Variants in BRD10 observed in about 807,000 individuals in gnomAD.
BRD10 encodes bromodomain containing 10.
the BRD10 span, among the ~76,000 whole-genome samples, chr9:5,932,264 A>T: frequency 6.6e-6 from 1 of 152,170 alleles, no homozygotes; most frequent in Admixed American, 6.5e-5. Flanking sequence ...GACAAGGGAA[A>T]AACAAAGAAC....
chr9:5,985,327 G>T, the BRD10 span, among the ~76,000 whole-genome samples: 1 of 151,908 alleles, frequency 6.6e-6, no homozygotes, highest in East Asian at 1.9e-4. Flanking sequence ...CATAACCTTG[G>T]GTACGCTAAG....
At chr9:5,977,126 G>T in the BRD10 span, among the ~76,000 whole-genome samples, 1 of 152,212 alleles carries the variant, frequency 6.6e-6, no homozygotes, top group Admixed American at 6.5e-5. Context: ...AACACAGTTT[G>T]CCTGGTAGGC....
chr9:5,992,532 C>G, the BRD10 span, among the ~76,000 whole-genome samples: 1 of 151,880 alleles, frequency 6.6e-6, no homozygotes, highest in African/African-American at 2.4e-5. Context: ...TCTCCCATTG[C>G]AAAAAAACAC....
At chr9:5,963,430 T>G in the BRD10 span, among the ~76,000 whole-genome samples, 1 of 140,478 alleles carries the variant, frequency 7.1e-6, no homozygotes, top group African/African-American at 2.7e-5. Context: ...GGAAGAACAT[T>G]TCATGCTCAT....
the BRD10 span, chr9:6,008,014 G>A: frequency 6.5e-6 from 8 of 1,229,552 alleles, no homozygotes; most frequent in Non-Finnish European, 8.1e-6. Flanking sequence ...GAAGAGGAGA[G>A]CCTAGGTGCC....
At chr9:5,992,136 T>C in the BRD10 span, among the ~76,000 whole-genome samples, 1 of 152,240 alleles carries the variant, frequency 6.6e-6, no homozygotes, top group East Asian at 1.9e-4. Context: ...TTCTTTTTCA[T>C]GTCACTTATC....
chr9:5,989,235 T>TAAAA, the BRD10 span, among the ~76,000 whole-genome samples: 2 of 46,164 alleles, frequency 4.3e-5, no homozygotes, highest in Non-Finnish European at 3.8e-5. Flanking sequence ...TCTGTCTCAT[T>TAAAA]AAAAAAAAAA....
At chr9:6,006,731 G>A in the BRD10 span, among the ~76,000 whole-genome samples, 13 of 152,074 alleles carry the variant, frequency 8.5e-5, no homozygotes, top group Admixed American at 8.5e-4. Flanking sequence ...GACCGACATG[G>A]GTAGTAAATG....
chr9:5,942,204 T>C, the BRD10 span, among the ~76,000 whole-genome samples: 1 of 152,046 alleles, frequency 6.6e-6, no homozygotes, highest in Non-Finnish European at 1.5e-5. Context: ...GCTTCCTATA[T>C]ATAACAATAT....
the BRD10 span, among the ~76,000 whole-genome samples, chr9:5,896,083 T>C: frequency 6.6e-6 from 1 of 152,222 alleles, no homozygotes; most frequent in African/African-American, 2.4e-5. Flanking sequence ...GAGACCTGGA[T>C]CTGGCCCAAA....
the BRD10 span, among the ~76,000 whole-genome samples, chr9:5,974,812 C>G: frequency 6.6e-6 from 1 of 152,158 alleles, no homozygotes; most frequent in Admixed American, 6.5e-5. Context: ...TGCTAGAAAA[C>G]TAGACTCATA....
the BRD10 span, among the ~76,000 whole-genome samples, chr9:5,973,238 A>C: frequency 6.6e-6 from 1 of 152,138 alleles, no homozygotes; most frequent in East Asian, 1.9e-4. Flanking sequence ...AGGCCAAGGC[A>C]GGCAGATCAT....
At chr9:5,919,542 A>AG in the BRD10 span, 1 of 696,870 alleles carries the variant, frequency 1.4e-6, no homozygotes, top group South Asian at 2.3e-5. Flanking sequence ...AGATACATTA[A>AG]AACACACACA....
chr9:5,975,705 A>T, the BRD10 span, among the ~76,000 whole-genome samples: 1 of 152,190 alleles, frequency 6.6e-6, no homozygotes, highest in African/African-American at 2.4e-5. Flanking sequence ...AATATACAGA[A>T]AACATACTTC....
chr9:5,920,461 T>A, the BRD10 span: 1 of 1,614,024 alleles, frequency 6.2e-7, no homozygotes, highest in Admixed American at 1.7e-5. Context: ...TAGTGCCACC[T>A]GGAGCAGAAC....
the BRD10 span, among the ~76,000 whole-genome samples, chr9:5,946,842 T>A: frequency 6.6e-6 from 1 of 152,136 alleles, no homozygotes; most frequent in Non-Finnish European, 1.5e-5. Context: ...TGAAAACATA[T>A]ACTCCTACAA....
the BRD10 span, among the ~76,000 whole-genome samples, chr9:5,895,703 A>G: frequency 1.3e-5 from 2 of 152,220 alleles, no homozygotes; most frequent in African/African-American, 4.8e-5. Flanking sequence ...TGGGTAGGCC[A>G]GGGGTGGAGT....
chr9:5,940,427 T>TCA, the BRD10 span, among the ~76,000 whole-genome samples: 7 of 152,040 alleles, frequency 4.6e-5, no homozygotes, highest in African/African-American at 1.7e-4. Flanking sequence ...ACTCCCAACC[T>TCA]TGTGATCCGC....
the BRD10 span, chr9:6,008,252 C>T: frequency 1.0e-6 from 1 of 982,634 alleles, no homozygotes; most frequent in African/African-American, 1.7e-5. Flanking sequence ...CTCCTCCTCT[C>T]CCTCACACCC....
Sources: gnomAD v4.1 joint callset for allele counts (sites outside exome capture counted in the v4.1 genomes callset) on GRCh38, gnomAD v4.1.1 for gene constraint, MANE v1.5 for transcripts, NCBI Gene and HGNC (gene_info 2026-07-23, HGNC 2026-07-21) for gene names.